Variants in ADGRL3 observed in about 807,000 individuals in gnomAD.
ADGRL3 encodes adhesion G protein-coupled receptor L3.
In ADGRL3, 62 loss-of-function variants were observed where a neutral mutation model predicts 153.5. That is an observed-to-expected ratio of 0.40 (90% confidence interval 0.33 to 0.50). The LOEUF is 0.50. Among genes scored for constraint, ADGRL3 ranks in the 20% least tolerant of loss-of-function variants. ADGRL3 has a pLI of 0.47. For missense variants in ADGRL3, 1,641 were observed against 1,859.4 expected (o/e 0.88, Z 2.16); for synonymous variants, 710 against 672.5 (o/e 1.06, Z -0.86).
At chr4:61,368,239 T>G (rs1188246444) in intron 1 of ADGRL3, among the ~76,000 whole-genome samples, 1 of 152,188 alleles carries the variant, frequency 6.6e-6, no homozygotes, top group African/African-American at 2.4e-5. Context: ...CTCTTTAGTT[T>G]AATTAGATCC....
intron 1 of ADGRL3, among the ~76,000 whole-genome samples, chr4:61,352,733 T>G (rs1382471635): frequency 6.6e-6 from 1 of 152,194 alleles, no homozygotes; most frequent in Non-Finnish European, 1.5e-5. Context: ...TTTTGTGACT[T>G]GCTTTATCAC....
At chr4:61,469,927 A>G (rs998126137) in intron 2 of ADGRL3, among the ~76,000 whole-genome samples, 1 of 151,338 alleles carries the variant, frequency 6.6e-6, no homozygotes, top group African/African-American at 2.4e-5. Context: ...GTTTGTTTTA[A>G]AAACAAAACA....
At chr4:62,027,672 G>A (rs904131727) in intron 21 of ADGRL3, among the ~76,000 whole-genome samples, 8 of 151,614 alleles carry the variant, frequency 5.3e-5, no homozygotes, top group Non-Finnish European at 8.8e-5. Context: ...TTGTATTTTC[G>A]GTGTGATTTT....
chr4:61,396,538 G>A (rs929338722), intron 2 of ADGRL3, among the ~76,000 whole-genome samples: 8 of 151,772 alleles, frequency 5.3e-5, no homozygotes, highest in South Asian at 4.1e-4. Flanking sequence ...TGATTCAGTC[G>A]AACTGAGGTG....
chr4:61,423,272 T>C (rs141924095), intron 2 of ADGRL3, among the ~76,000 whole-genome samples: 1 of 152,286 alleles, frequency 6.6e-6, no homozygotes, highest in Non-Finnish European at 1.5e-5. Context: ...ACGTTGACCA[T>C]TTCAGTAGAC....
At chr4:61,478,916 A>G (rs2152724885) in intron 2 of ADGRL3, among the ~76,000 whole-genome samples, 1 of 152,204 alleles carries the variant, frequency 6.6e-6, no homozygotes, top group East Asian at 1.9e-4. Context: ...AAAAACCTAT[A>G]GAGATATACC....
chr4:61,448,026 C>A (rs2097607864), intron 2 of ADGRL3, among the ~76,000 whole-genome samples: 1 of 152,112 alleles, frequency 6.6e-6, no homozygotes, highest in Admixed American at 6.5e-5. Context: ...CTGCCTAGAG[C>A]AGTTGAGAAC....
At chr4:61,291,835 A>G (rs2094229098) in intron 1 of ADGRL3, among the ~76,000 whole-genome samples, 1 of 147,230 alleles carries the variant, frequency 6.8e-6, no homozygotes, top group Non-Finnish European at 1.5e-5. Context: ...TGTAATTATT[A>G]TCACATTTTG....
intron 5 of ADGRL3, among the ~76,000 whole-genome samples, chr4:61,653,151 GTCTCTC>G (rs58848073): frequency 1.1e-4 from 15 of 134,200 alleles, no homozygotes; most frequent in Admixed American, 6.1e-4. Flanking sequence ...CTCTCTCTCT[GTCTCTC>G]TCTCTCTCTC....
At chr4:61,615,956 G>T (rs1400643934) in intron 5 of ADGRL3, among the ~76,000 whole-genome samples, 1 of 152,094 alleles carries the variant, frequency 6.6e-6, no homozygotes, top group Non-Finnish European at 1.5e-5. Flanking sequence ...GAGTAGGGAA[G>T]TTTGCCTCTC....
intron 1 of ADGRL3, among the ~76,000 whole-genome samples, chr4:61,379,459 A>C (rs2096642020): frequency 6.6e-6 from 1 of 152,044 alleles, no homozygotes; most frequent in Non-Finnish European, 1.5e-5. Context: ...TTGTAGACAA[A>C]AAGATACTCC....
intron 9 of ADGRL3, among the ~76,000 whole-genome samples, chr4:61,844,111 C>T (rs1256645891): frequency 6.6e-6 from 1 of 150,688 alleles, no homozygotes; most frequent in East Asian, 1.9e-4. Flanking sequence ...TTTTGGAAAT[C>T]GTATATTTTG....
chr4:61,420,400 G>GTTTT (rs1560602281), intron 2 of ADGRL3: 4 of 96,172 alleles, frequency 4.2e-5, no homozygotes, highest in African/African-American at 1.2e-4. Context: ...CCAAAGGAAA[G>GTTTT]CTTTTTTTTT....
chr4:61,455,041 AC>A (rs1485286517), intron 2 of ADGRL3, among the ~76,000 whole-genome samples: 2 of 152,180 alleles, frequency 1.3e-5, no homozygotes, highest in Non-Finnish European at 1.5e-5. Context: ...AAACAAAAAA[AC>A]AACCCAAATG....
intron 5 of ADGRL3, among the ~76,000 whole-genome samples, chr4:61,669,882 G>A (rs2094932622): frequency 6.6e-6 from 1 of 152,150 alleles, no homozygotes; most frequent in Non-Finnish European, 1.5e-5. Context: ...GCATTCTGAG[G>A]AATCATTTGT....
intron 1 of ADGRL3, among the ~76,000 whole-genome samples, chr4:61,276,088 G>A (rs2093444318): frequency 6.6e-6 from 1 of 152,042 alleles, no homozygotes; most frequent in Admixed American, 6.6e-5. Context: ...TAGGTGCAAA[G>A]GCTGCTAGAC....
intron 5 of ADGRL3, 144 bp downstream of exon 5, chr4:61,587,584 T>C: frequency 1.6e-6 from 1 of 618,600 alleles, no homozygotes; most frequent in East Asian, 2.8e-5. Flanking sequence ...GACTATTCCT[T>C]GTATCACCAA....
rs140622474 is a variant in ADGRL3, at chr4:61,837,870, G to A, written c.1480+23981G>A. Among the ~76,000 whole-genome samples, 880 of 152,144 alleles carry A rather than the reference G, an allele frequency of 5.8e-3. 5 individuals are homozygous for A. Among genetic ancestry groups the A allele is most frequent in the Non-Finnish European group, 8.8e-3 (598 of 67,966 alleles). On this transcript the variant is annotated intron_variant, in intron 9 of 26. Transcript: ENST00000683033. Reference sequence around the variant, plus strand: ...CAGTAAACAGACCTTATTTCCTAGGGATAGGGTGGGGAGCTGGCATTGCAT... The same window carrying A: ...CAGTAAACAGACCTTATTTCCTAGGAATAGGGTGGGGAGCTGGCATTGCAT...
chr4:61,360,934 T>C (rs2096273052), intron 1 of ADGRL3, among the ~76,000 whole-genome samples: 1 of 152,166 alleles, frequency 6.6e-6, no homozygotes, highest in African/African-American at 2.4e-5. Flanking sequence ...AAAACAATAC[T>C]GTGAGGTAGA....
Sources: allele counts gnomAD v4.1 joint callset (sites outside exome capture counted in the v4.1 genomes callset), GRCh38; gene constraint gnomAD v4.1.1; transcripts MANE v1.5; gene names NCBI Gene and HGNC (gene_info 2026-07-23, HGNC 2026-07-21).